PHC3: variants seen among roughly 807,000 people sequenced by gnomAD.
PHC3 encodes the protein polyhomeotic homolog 3.
In PHC3, 13 loss-of-function variants were observed where a neutral mutation model predicts 107.4. The observed-to-expected ratio is 0.12, with a 90% CI of 0.08 to 0.19. The LOEUF is 0.19. PHC3 is among the 10% of genes least tolerant of loss of function. The pLI is 1.00. For synonymous variants in PHC3, 456 were observed against 427.4 expected (o/e 1.07, Z -0.83); for missense variants, 992 against 1,210.9 (o/e 0.82, Z 2.68).
intron 4 of PHC3, 28 bp downstream of exon 4, chr3:170,171,345 C>A (rs1260530300): frequency 1.3e-6 from 2 of 1,490,078 alleles, no homozygotes; most frequent in Non-Finnish European, 1.8e-6. Context: ...AATTTTAAAT[C>A]CAGGAAAAAA....
At chr3:170,125,917 C>T in intron 8 of PHC3, 2 of 852,774 alleles carry the variant, frequency 2.3e-6, no homozygotes, top group Non-Finnish European at 2.8e-6. Context: ...CTGTTTAGCT[C>T]ATAACTATAA....
intron 8 of PHC3, among the ~76,000 whole-genome samples, chr3:170,127,993 A>T (rs542382657): frequency 6.6e-6 from 1 of 152,298 alleles, no homozygotes; most frequent in East Asian, 1.9e-4. Context: ...TATTAAATTC[A>T]TCTACCAAGA....
In PHC3 at chr3:170,096,495, C is replaced by T. The variant is rs1305564932; in HGVS notation, c.*735G>A. On this transcript the variant is annotated 3_prime_UTR_variant, in exon 15 of 15. Transcript: ENST00000495893. ...AGCAACCCTCCCCTGAACCCACCCC[C>T]AAGCTGTGACAACCAAAATGTCTCA... 6.6e-6 allele frequency: 1 copy of T among 152,128 alleles called. No individual in the cohort carries two copies. The allele number at this position is 152,128 out of a possible 1,614,324, so 9.4% of individuals were successfully genotyped here.
intron 11 of PHC3, among the ~76,000 whole-genome samples, chr3:170,111,228 G>A (rs1486007178): frequency 6.6e-6 from 1 of 151,096 alleles, no homozygotes; most frequent in East Asian, 1.9e-4. Context: ...ACTGACGTAT[G>A]TACCGGTGAC....
In PHC3 at chr3:170,129,693, GA is replaced by G. The variant is rs563344989; in HGVS notation, c.920-142del. 5,882 of 786,096 alleles carry G rather than the reference GA, an allele frequency of 7.5e-3. 1 individual carries two copies. The highest frequency in any genetic ancestry group is 8.0e-3 in the South Asian group (331 of 41,156). The allele number at this position is 786,096 out of a possible 1,614,324, so 48.7% of individuals were successfully genotyped here. ...CAAGTTTTCCAAACAAGAGTAATTT[GA>G]AAAAAAAAAAATTTTTTTTTTTGAG... On this transcript the variant is annotated intron_variant, in intron 7 of 14. Coordinates refer to ENST00000495893, the MANE Select transcript of PHC3 (RefSeq NM_024947.4).
rs1721767438 is a variant in PHC3, at chr3:170,128,783, TGCA to T, written c.1686_1688del (p.Ala563del). The T allele has an allele frequency of 1.2e-6, 2 of 1,614,036 alleles. No homozygotes were observed. The highest frequency in any genetic ancestry group is 2.7e-5 in the African/African-American group (2 of 75,046). On this transcript the variant is annotated inframe_deletion, in exon 8 of 15. Coordinates refer to ENST00000495893, the MANE Select transcript of PHC3 (RefSeq NM_024947.4). ...GAAATGGCAACTGGACCAAAGCTTC[TGCA>T]GCTGGAAGTTCCTCTTCTGACACCA...
At chr3:170,102,971 T>C in intron 12 of PHC3, 37 bp from the exon 13 acceptor site, 2 of 1,552,954 alleles carry the variant, frequency 1.3e-6, no homozygotes, top group Non-Finnish European at 1.8e-6. Flanking sequence ...TTTAATGATA[T>C]ATGGGACAAT....
At chr3:170,119,942 T>G (rs531839123) in intron 9 of PHC3, among the ~76,000 whole-genome samples, 3 of 152,302 alleles carry the variant, frequency 2.0e-5, no homozygotes, top group East Asian at 1.9e-4. Flanking sequence ...CTTTGACAAT[T>G]TAGCCAGAGA....
In PHC3 at chr3:170,097,659, T is replaced by C. The variant is rs1714808451; in HGVS notation, c.2834-275A>G. 6.6e-6 allele frequency among the ~76,000 whole-genome samples: 1 copy of C among 152,174 alleles called. No homozygotes were observed. Among genetic ancestry groups the C allele is most frequent in the African/African-American group, 2.4e-5 (1 of 41,450 alleles). On this transcript the variant is annotated intron_variant, in intron 14 of 14. Transcript: ENST00000495893. This position sits in a 1 kb window ranked among gnomAD's most constrained non-coding sequence, Gnocchi z 4.1. ...ATAATTCATAAGAGGGAAGTCTAGATATAATACTTCCTTCACAAAAAGGAC... is the reference window on the plus strand; with the variant it reads ...ATAATTCATAAGAGGGAAGTCTAGACATAATACTTCCTTCACAAAAAGGAC...
In PHC3 at chr3:170,113,512, C is replaced by T. The variant is rs534272384; in HGVS notation, c.2201G>A (p.Arg734His). ...AGGCTGTTCTATTAGCAAAGAGGAA[C>T]GACTCACCTTTAAAAAAGGAGAAAT... ...QEGLEPFPVS[R>H]SSLLIEQPVK... is the part of the protein sequence containing the mutation. The change falls in exon 11 of 15, where the codon CGT (arginine) becomes CAT (histidine). Residue 734 changes from arginine (R) to histidine (H), a missense_variant. By Grantham distance (29) the Arg-to-His change is conservative (BLOSUM62 0). This residue lies in a region of PHC3 where 228 missense variants were observed against 288.8 expected (regional missense o/e 0.79). Coordinates refer to ENST00000495893, the MANE Select transcript of PHC3 (RefSeq NM_024947.4). 5.0e-6 allele frequency: 8 copies of T among 1,590,908 alleles called. No homozygotes were observed. Among genetic ancestry groups the T allele is most frequent in the East Asian group, 4.5e-5 (2 of 44,538 alleles).
chr3:170,171,583 C>T (rs1489447062), intron 3 of PHC3, 133 bp from the exon 4 acceptor site: 2 of 619,970 alleles, frequency 3.2e-6, no homozygotes. Context: ...TTATAGTCAA[C>T]ATGGCTTAAG....
intron 6 of PHC3, among the ~76,000 whole-genome samples, chr3:170,139,870 A>T (rs1211917136): frequency 6.6e-6 from 1 of 152,186 alleles, no homozygotes; most frequent in Non-Finnish European, 1.5e-5. Flanking sequence ...TAAGAAGAAG[A>T]ATATTAGGGC....
Position 170,178,839 on chromosome 3 carries a change from A to AGTG in PHC3, c.111_113dup (p.Thr38dup). On this transcript the variant is annotated inframe_insertion, in exon 2 of 15. Transcript: ENST00000495893. ...GTGGCTGCTGCATTCGAGAGGAGGAAGTGGTGATGGTGGTGGTGGTGGTAC... is the reference window on the plus strand; with the variant it reads ...GTGGCTGCTGCATTCGAGAGGAGGAAGTGGTGGTGATGGTGGTGGTGGTGGTAC... The AGTG allele has an allele frequency of 6.2e-7, 1 of 1,613,992 alleles. No individual in the cohort carries two copies. Among genetic ancestry groups the AGTG allele is most frequent in the African/African-American group, 1.3e-5 (1 of 75,042 alleles).
intron 4 of PHC3, among the ~76,000 whole-genome samples, chr3:170,163,221 G>A (rs1728178424): frequency 6.6e-6 from 1 of 151,890 alleles, no homozygotes. Flanking sequence ...GGCTTCAAAA[G>A]CTCATCTTGT....
intron 2 of PHC3, among the ~76,000 whole-genome samples, chr3:170,174,510 G>A (rs16847919): frequency 0.44 from 67,361 of 151,892 alleles, 15,200 homozygotes; most frequent in East Asian, 0.69. Flanking sequence ...AACCAAATCC[G>A]AAAGTCACAT....
chr3:170,118,139 C>T (rs2108383623), intron 9 of PHC3, among the ~76,000 whole-genome samples: 1 of 152,222 alleles, frequency 6.6e-6, no homozygotes, highest in Non-Finnish European at 1.5e-5. Context: ...CTATTAAATC[C>T]CCTATGTTCC....
At chr3:170,125,049 T>A (rs1025291181) in intron 8 of PHC3, among the ~76,000 whole-genome samples, 4 of 152,186 alleles carry the variant, frequency 2.6e-5, no homozygotes, top group African/African-American at 4.8e-5. Flanking sequence ...AATATAAAAT[T>A]CAGAACTGTG....
At position 170,102,585 on chromosome 3, in the gene PHC3, C is replaced by G. The variant is rs1252052954; in HGVS notation, c.2727G>C (p.Val909=). The change falls in exon 14 of 15, where the codon GTG becomes GTC. Residue 909 remains valine (V), a synonymous_variant. Transcript: ENST00000495893. ...TGTTCTCAGGCATTTTCCGAATTCT[C>G]ACATCCCGAAGCTCACGTTCTCTTT... ...ERERERELRD[V]RIRKMPENSD... is the part of the protein sequence containing the mutation. The G allele has an allele frequency of 1.9e-6, 3 of 1,613,818 alleles. No individual in the cohort carries two copies. Among genetic ancestry groups the G allele is most frequent in the Admixed American group, 3.3e-5 (2 of 59,994 alleles).
chr3:170,128,866 A>C lies in PHC3; in HGVS notation c.1606T>G (p.Leu536Val). 1 of 1,614,012 alleles carries C rather than the reference A, an allele frequency of 6.2e-7. No individual in the cohort carries two copies. The highest frequency in any genetic ancestry group is 8.5e-7 in the Non-Finnish European group (1 of 1,179,886). ...GACAGAATTTCAGGCTGCACTTGTA[A>C]AGACTGCATAGACTGCAAGGGCAGT... ...PPLPLQSMQS[L>V]QVQPEILSQG... The change falls in exon 8 of 15, where the codon TTA (leucine) becomes GTA (valine). Residue 536 changes from leucine (L) to valine (V), a missense_variant. This residue lies in a region of PHC3 where 543 missense variants were observed against 590.8 expected (regional missense o/e 0.92). Transcript: ENST00000495893.
Sources: gnomAD v4.1 joint callset for allele counts (sites outside exome capture counted in the v4.1 genomes callset) on GRCh38, gnomAD v4.1.1 for gene constraint, gnomAD v4.1.1 regional missense constraint, Gnocchi (gnomAD v3.1) non-coding constraint, MANE v1.5 for transcripts, NCBI Gene and HGNC (gene_info 2026-07-23, HGNC 2026-07-21) for gene names.